The following CRYAB variants were observed in gnomAD, a reference collection of about 807,000 sequenced individuals.
The protein encoded by CRYAB is crystallin alpha B.
In CRYAB, 9 loss-of-function variants were observed where a neutral mutation model predicts 12.7. The observed-to-expected ratio is 0.71, with a 90% CI of 0.43 to 1.24. The LOEUF (loss-of-function observed/expected upper bound fraction) is 1.24, where lower values mean the gene tolerates loss of function less well. Ranked by LOEUF, CRYAB falls within the 50% of genes most tolerant of loss-of-function variation. CRYAB has a pLI of 0.00. For missense variants in CRYAB, 183 were observed against 226.6 expected (o/e 0.81, Z 1.24); for synonymous variants, 93 against 86.8 (o/e 1.07, Z -0.40).
At chr11:111,912,883 T>A, upstream of CRYAB, 1 of 1,609,934 alleles carries the variant, frequency 6.2e-7, no homozygotes, top group South Asian at 1.1e-5. Flanking sequence ...AGTACGAATT[T>A]GCCAACCCGA....
intron 2 of CRYAB, chr11:111,910,010 A>C: frequency 1.6e-6 from 1 of 612,728 alleles, no homozygotes; most frequent in South Asian, 2.0e-5. Flanking sequence ...AGTATGCCCG[A>C]GCATTAGGTT....
At chr11:111,916,978 C>G (rs1965605617), upstream of CRYAB, among the ~76,000 whole-genome samples, 3 of 152,056 alleles carry the variant, frequency 2.0e-5, no homozygotes, top group Admixed American at 1.3e-4. Flanking sequence ...CCTCAGCCTT[C>G]TGAGTAGCTG....
At chr11:111,912,579 C>A (rs1477409177), upstream of CRYAB, 1 of 554,236 alleles carries the variant, frequency 1.8e-6, no homozygotes, top group Non-Finnish European at 3.3e-6. Flanking sequence ...CCTCTCAGGC[C>A]CCCTGCGACA....
At chr11:111,909,045 T>C in intron 2 of CRYAB, 78 bp from the exon 3 acceptor site, 1 of 1,463,126 alleles carries the variant, frequency 6.8e-7, no homozygotes, top group South Asian at 1.2e-5. Context: ...TCAGGCATCC[T>C]GATTTCCCCT....
chr11:111,912,698 C>T (rs1385361005), upstream of CRYAB: 6 of 494,660 alleles, frequency 1.2e-5, no homozygotes, highest in African/African-American at 6.3e-5. Flanking sequence ...CCAAGAGGCT[C>T]GGCACTATTT....
At chr11:111,920,709 A>C (rs1257579946) in intron 1 of CRYAB, among the ~76,000 whole-genome samples, 1 of 152,200 alleles carries the variant, frequency 6.6e-6, no homozygotes, top group South Asian at 2.1e-4. Flanking sequence ...GGCTGCAGTG[A>C]ACCATGATCA....
Position 111,908,708 on chromosome 11 carries a change from C to T in CRYAB, c.*56G>A. 6.4e-7 allele frequency: 1 copy of T among 1,566,644 alleles called. No individual in the cohort carries two copies. The highest frequency in any genetic ancestry group is 8.8e-7 in the Non-Finnish European group (1 of 1,139,188). ...GCTTCAGCACTAGTCACAAGACTTT[C>T]ATTCACTGGTGGGGAAACTTTCTTG... On this transcript the variant is annotated 3_prime_UTR_variant, in exon 3 of 3. Coordinates refer to ENST00000650687, the MANE Select transcript of CRYAB (RefSeq NM_001289808.2).
upstream of CRYAB, chr11:111,913,731 C>G: frequency 6.2e-7 from 1 of 1,614,104 alleles, no homozygotes; most frequent in Non-Finnish European, 8.5e-7. Flanking sequence ...TGATGTCGAC[C>G]CCTGGCGAGT....
At chr11:111,916,835 C>G (rs912450571), upstream of CRYAB, among the ~76,000 whole-genome samples, 2 of 151,470 alleles carry the variant, frequency 1.3e-5, no homozygotes. Context: ...ATTTCCTTTC[C>G]TTTTCTTTTC....
upstream of CRYAB, chr11:111,911,815 C>T (rs372588653): frequency 1.5e-5 from 13 of 856,298 alleles, no homozygotes; most frequent in South Asian, 1.3e-4. Context: ...TCTTGTGAAG[C>T]TTCTGGAATG....
intron 2 of CRYAB, chr11:111,909,230 G>A (rs1214605748): frequency 3.7e-6 from 2 of 542,704 alleles, no homozygotes; most frequent in African/African-American, 1.9e-5. Context: ...ATGTTTAGGG[G>A]TATTTCCCAA....
At chr11:111,910,835 A>C (rs537006343) in intron 1 of CRYAB, 1 of 332,092 alleles carries the variant, frequency 3.0e-6, no homozygotes, top group Admixed American at 4.3e-5. Context: ...CCACCCACCC[A>C]ATCTGGAATG....
At chr11:111,909,967 TC>T (rs1965401292) in intron 2 of CRYAB, 1 of 593,464 alleles carries the variant, frequency 1.7e-6, no homozygotes, top group Non-Finnish European at 3.0e-6. Context: ...GGAGTAGTGC[TC>T]GCTTCGGCAG....
chr11:111,918,604 G>A, intron 1 of CRYAB: 1 of 652,162 alleles, frequency 1.5e-6, no homozygotes, highest in Non-Finnish European at 2.8e-6. Flanking sequence ...TATTATAGAG[G>A]ATATATTTCA....
intron 1 of CRYAB, among the ~76,000 whole-genome samples, chr11:111,923,478 G>T (rs1965733877): frequency 6.6e-6 from 1 of 152,166 alleles, no homozygotes; most frequent in African/African-American, 2.4e-5. Flanking sequence ...AGACAAACAG[G>T]GTTGGTTCTG....
upstream of CRYAB, chr11:111,912,715 G>T: frequency 1.4e-6 from 1 of 711,548 alleles, no homozygotes. Flanking sequence ...ATTTTGGGTG[G>T]TGTCGACCCC....
intron 1 of CRYAB, among the ~76,000 whole-genome samples, chr11:111,920,381 C>CA (rs1369925546): frequency 6.7e-6 from 1 of 149,696 alleles, no homozygotes; most frequent in Non-Finnish European, 1.5e-5. Context: ...ACTAAAAATA[C>CA]AAAAAAATTA....
intron 2 of CRYAB, chr11:111,909,942 T>C (rs1592507466): frequency 5.3e-6 from 3 of 565,932 alleles, no homozygotes; most frequent in Non-Finnish European, 6.3e-6. Context: ...TTAAAAATGC[T>C]GATTTAATTG....
At chr11:111,912,725 C>A, upstream of CRYAB, 1 of 832,730 alleles carries the variant, frequency 1.2e-6, no homozygotes, top group Non-Finnish European at 1.9e-6. Flanking sequence ...GTGTCGACCC[C>A]GCCCCCACCT....
Sources: allele counts gnomAD v4.1 joint callset (sites outside exome capture counted in the v4.1 genomes callset), GRCh38; gene constraint gnomAD v4.1.1; transcripts MANE v1.5; gene names NCBI Gene and HGNC (gene_info 2026-07-23, HGNC 2026-07-21).